Variants in TOX2 observed in about 807,000 individuals in gnomAD.
The protein encoded by TOX2 is granulosa cell HMG box 1.
A neutral mutation model predicts 47.4 loss-of-function variants in TOX2; 15 were observed. The ratio of observed to expected loss-of-function variants is 0.32; its 90% confidence interval spans 0.21 to 0.49. The LOEUF (loss-of-function observed/expected upper bound fraction) is 0.49, where lower values mean the gene tolerates loss of function less well. TOX2 is among the 20% of genes least tolerant of loss of function. The probability of loss-of-function intolerance (pLI) is 0.99; values close to 1 mark genes in which losing one functional copy is unlikely to be tolerated. For synonymous variants in TOX2, 290 were observed against 296.6 expected (o/e 0.98, Z 0.23); for missense variants, 622 against 673.1 (o/e 0.92, Z 0.84).
chr20:43,945,707 C>A, intron 1 of TOX2: 1 of 636,680 alleles, frequency 1.6e-6, no homozygotes, highest in Non-Finnish European at 2.5e-6. Context: ...AGACCGCCAC[C>A]AGGAGCTCCG....
Position 44,051,198 on chromosome 20 carries a change from A to G in TOX2, c.412-108A>G, listed in dbSNP as rs192361098. 55 of 1,461,102 alleles carry G rather than the reference A, an allele frequency of 3.8e-5. No homozygotes were observed. The African/African-American group carries it at 7.4e-4, about 20-fold the overall frequency. The allele number at this position is 1,461,102 out of a possible 1,614,324, so 90.5% of individuals were successfully genotyped here. A position where few individuals can be genotyped will look rare whatever the true frequency, so the allele number is the denominator to read the frequency against. On this transcript the variant is annotated intron_variant, in intron 3 of 8. Coordinates refer to ENST00000341197, the MANE Select transcript of TOX2 (RefSeq NM_001098797.2). ...TGTCAGGGATCGGAGCAGGAGCCGC[A>G]CCCATCACTTCTCCTCTGCATTCCC... is the stretch of plus-strand genomic sequence containing the variant.
At chr20:43,979,297 G>T (rs1035184912) in intron 2 of TOX2, among the ~76,000 whole-genome samples, 1 of 152,190 alleles carries the variant, frequency 6.6e-6, no homozygotes, top group Non-Finnish European at 1.5e-5. Context: ...AGAACGAGAA[G>T]AGCAGAGGAC....
At chr20:43,975,593 C>G (rs1332132996) in intron 2 of TOX2, among the ~76,000 whole-genome samples, 1 of 152,148 alleles carries the variant, frequency 6.6e-6, no homozygotes, top group African/African-American at 2.4e-5. Flanking sequence ...ACTGACTTGC[C>G]TCAGCCTAAA....
intron 1 of TOX2, among the ~76,000 whole-genome samples, chr20:43,932,720 T>C (rs924399250): frequency 3.9e-5 from 6 of 151,912 alleles, no homozygotes; most frequent in South Asian, 2.1e-4. Context: ...CACACCAGGA[T>C]TGGGGGCCCG....
rs545674216 is a variant in TOX2 at position 44,018,633 on chromosome 20, T to C, written c.411+11841T>C. On this transcript the variant is annotated intron_variant, in intron 3 of 8. Transcript: ENST00000341197. ...CCTGGATAATAAAAAGTCAGTCTCA[T>C]GAGCTCTCTTTCTCTCATCTTGTGG... Among the ~76,000 whole-genome samples, 10 of 152,344 alleles carry C rather than the reference T, an allele frequency of 6.6e-5. 1 individual carries two copies. In the South Asian group the frequency reaches 1.9e-3, roughly 28 times the overall value.
At chr20:44,028,853 C>T (rs1241508395) in intron 3 of TOX2, among the ~76,000 whole-genome samples, 1 of 152,168 alleles carries the variant, frequency 6.6e-6, no homozygotes, top group Non-Finnish European at 1.5e-5. Flanking sequence ...CTGCTGTGAC[C>T]AAGGGCAGCC....
chr20:44,018,548 G>T (rs534748059), intron 3 of TOX2, among the ~76,000 whole-genome samples: 2 of 152,144 alleles, frequency 1.3e-5, no homozygotes, highest in South Asian at 4.1e-4. Context: ...CTTTGGCTCC[G>T]CAGAATGTCT....
Position 43,950,917 on chromosome 20 carries a change from C to T in TOX2, c.100-22450C>T, listed in dbSNP as rs532754838. On this transcript the variant is annotated intron_variant, in intron 1 of 8. Coordinates refer to ENST00000341197, the MANE Select transcript of TOX2 (RefSeq NM_001098797.2). The stretch of plus-strand genomic sequence containing the variant: ...GCACAGCAAATACTTTTTTGGTGCA[C>T]GGACGCATGAGTACATGAGTAAGAA... Among the ~76,000 whole-genome samples the T allele has an allele frequency of 3.9e-3, 589 of 151,938 alleles. 11 individuals are homozygous for T. In the South Asian group the frequency reaches 0.047, roughly 12 times the overall value.
intron 1 of TOX2, among the ~76,000 whole-genome samples, chr20:43,933,567 C>G (rs1024464646): frequency 6.6e-6 from 1 of 152,102 alleles, no homozygotes; most frequent in Non-Finnish European, 1.5e-5. Flanking sequence ...GAGCCTGAGA[C>G]GAGGGTTCTT....
intron 2 of TOX2, among the ~76,000 whole-genome samples, chr20:43,976,778 G>A (rs529019242): frequency 1.5e-4 from 19 of 130,700 alleles, no homozygotes; most frequent in Middle Eastern, 7.8e-3. Context: ...ACGCGAGCGC[G>A]CGCGCACACA....
At chr20:43,957,483 T>G (rs1402101328) in intron 1 of TOX2, among the ~76,000 whole-genome samples, 1 of 152,240 alleles carries the variant, frequency 6.6e-6, no homozygotes, top group African/African-American at 2.4e-5. Context: ...GGATGATATC[T>G]TCCTCCTAGG....
intron 1 of TOX2, among the ~76,000 whole-genome samples, chr20:43,949,775 A>G (rs2069528440): frequency 6.6e-6 from 1 of 152,186 alleles, no homozygotes; most frequent in African/African-American, 2.4e-5. Context: ...TATCAGAGCC[A>G]GGGTCCCCTT....
chr20:44,059,426 A>C lies in TOX2; in HGVS notation c.879+4900A>C, dbSNP rs368792035. ...TCCTGAGGAAGAAGAGAAATCTAAA[A>C]GTTTGGAAAATATATTTGAGGGAAT... On this transcript the variant is annotated intron_variant, in intron 5 of 8. Coordinates refer to ENST00000341197, the MANE Select transcript of TOX2 (RefSeq NM_001098797.2). Among the ~76,000 whole-genome samples, 22 of 152,320 alleles carry C rather than the reference A, an allele frequency of 1.4e-4. 1 individual carries two copies. Among genetic ancestry groups the C allele is most frequent in the Admixed American group, 9.1e-4 (14 of 15,306 alleles).
At chr20:43,918,557 C>A (rs967000462) in intron 1 of TOX2, among the ~76,000 whole-genome samples, 1 of 152,122 alleles carries the variant, frequency 6.6e-6, no homozygotes, top group Non-Finnish European at 1.5e-5. Context: ...GTATATTAAC[C>A]ATGCTTAAGT....
chr20:44,034,428 A>G (rs564537056), intron 3 of TOX2, among the ~76,000 whole-genome samples: 2 of 152,324 alleles, frequency 1.3e-5, no homozygotes, highest in South Asian at 2.1e-4. Context: ...TCTCAGACAT[A>G]AGAATCCTCA....
chr20:43,972,712 C>T (rs2069997756), intron 1 of TOX2, among the ~76,000 whole-genome samples: 1 of 152,200 alleles, frequency 6.6e-6, no homozygotes, highest in Non-Finnish European at 1.5e-5. Flanking sequence ...ACATCTCTTC[C>T]CCTGCACCTG....
chr20:44,018,964 A>G (rs923112531), intron 3 of TOX2, among the ~76,000 whole-genome samples: 4 of 152,176 alleles, frequency 2.6e-5, no homozygotes, highest in African/African-American at 7.2e-5. Context: ...CAGAGCCTCA[A>G]GTAAGATGGA....
At chr20:44,019,068 G>A (rs1243067571) in intron 3 of TOX2, among the ~76,000 whole-genome samples, 2 of 152,210 alleles carry the variant, frequency 1.3e-5, no homozygotes, top group Non-Finnish European at 2.9e-5. Context: ...GCAGGTGTCT[G>A]AAAAAGGTTT....
At chr20:44,020,185 A>T (rs535679932) in intron 3 of TOX2, among the ~76,000 whole-genome samples, 6 of 152,302 alleles carry the variant, frequency 3.9e-5, no homozygotes, top group African/African-American at 1.4e-4. Flanking sequence ...CACAGGCAGC[A>T]CTGCAGCGTG....
Sources: allele counts gnomAD v4.1 joint callset (sites outside exome capture counted in the v4.1 genomes callset), GRCh38; gene constraint gnomAD v4.1.1; transcripts MANE v1.5; gene names NCBI Gene and HGNC (gene_info 2026-07-23, HGNC 2026-07-21).